CMKLR1: variants seen among roughly 807,000 people sequenced by gnomAD.
CMKLR1 encodes the protein chemerin chemokine-like receptor 1.
A neutral mutation model predicts 8.2 loss-of-function variants in CMKLR1; 6 were observed. The observed-to-expected ratio is 0.73, with a 90% CI of 0.40 to 1.44. The LOEUF (loss-of-function observed/expected upper bound fraction) is 1.44, where lower values mean the gene tolerates loss of function less well. CMKLR1 is among the 40% of genes most tolerant of loss of function. CMKLR1 has a pLI of 0.02. For missense variants in CMKLR1, 429 were observed against 478.0 expected (o/e 0.90, Z 0.96); for synonymous variants, 178 against 181.2 (o/e 0.98, Z 0.14).
In CMKLR1 at chr12:108,290,389, A is replaced by G. The variant is rs879330571; in HGVS notation, c.*1452T>C. ...TATGTAAAAGGGAAGTTATAACCAT[A>G]CCTAACTCAGGGTTGCTGTAATGAT... On this transcript the variant is annotated 3_prime_UTR_variant, in exon 4 of 4. Transcript: ENST00000550402. The G allele has an allele frequency of 4.6e-5, 7 of 152,284 alleles. No homozygotes were observed. The highest frequency in any genetic ancestry group is 8.8e-5 in the Non-Finnish European group (6 of 68,032). 9.4% of individuals were successfully genotyped at this position (152,284 alleles called of 1,614,324 possible).
chr12:108,326,320 C>T (rs570966870), intron 2 of CMKLR1, among the ~76,000 whole-genome samples: 1 of 152,334 alleles, frequency 6.6e-6, no homozygotes, highest in African/African-American at 2.4e-5. Context: ...GTCCACAGCA[C>T]CTGAATGTCC....
At chr12:108,308,418 G>C (rs1005766347) in intron 2 of CMKLR1, among the ~76,000 whole-genome samples, 3 of 152,160 alleles carry the variant, frequency 2.0e-5, no homozygotes, top group Admixed American at 1.3e-4. Context: ...TCTCTCTTCT[G>C]CTCATCCCCT....
At chr12:108,314,990 T>G (rs1473175165) in intron 2 of CMKLR1, among the ~76,000 whole-genome samples, 3 of 143,042 alleles carry the variant, frequency 2.1e-5, no homozygotes, top group Non-Finnish European at 4.5e-5. Context: ...CAGGCTGGAG[T>G]GCAATGGCGC....
chr12:108,299,272 G>A (rs1173887194), intron 2 of CMKLR1, among the ~76,000 whole-genome samples: 1 of 152,230 alleles, frequency 6.6e-6, no homozygotes, highest in Admixed American at 6.5e-5. Context: ...GCTGTGCTTT[G>A]TGGGAGAGGC....
At chr12:108,336,009 A>C (rs1892212964) in intron 1 of CMKLR1, among the ~76,000 whole-genome samples, 1 of 152,242 alleles carries the variant, frequency 6.6e-6, no homozygotes, top group Non-Finnish European at 1.5e-5. Flanking sequence ...GCTGACACGG[A>C]ACATGTGGAT....
At chr12:108,331,475 C>CA (rs1892106933) in intron 1 of CMKLR1, among the ~76,000 whole-genome samples, 1 of 152,220 alleles carries the variant, frequency 6.6e-6, no homozygotes, top group Admixed American at 6.5e-5. Context: ...CCTGAACTCC[C>CA]AATATCTAAA....
chr12:108,300,653 G>A (rs538252787), intron 2 of CMKLR1, among the ~76,000 whole-genome samples: 28 of 152,268 alleles, frequency 1.8e-4, no homozygotes, highest in South Asian at 1.7e-3. Context: ...CATGACCTGT[G>A]AGCTGTGCGA....
At position 108,289,973 on chromosome 12, in the gene CMKLR1, T is replaced by G. The variant is rs899014541; in HGVS notation, c.*1868A>C. The G allele has an allele frequency of 1.3e-5, 2 of 152,212 alleles. No individual in the cohort carries two copies. The highest frequency in any genetic ancestry group is 4.8e-5 in the African/African-American group (2 of 41,436). 9.4% of individuals were successfully genotyped at this position (152,212 alleles called of 1,614,324 possible). ...TGGAAGAGAACAGAATGTGGACACTTAGGAGCCAAAGGGCCTCAGGCCCAC... is the reference window on the plus strand; with the variant it reads ...TGGAAGAGAACAGAATGTGGACACTGAGGAGCCAAAGGGCCTCAGGCCCAC... On this transcript the variant is annotated 3_prime_UTR_variant, in exon 4 of 4. Coordinates refer to ENST00000550402, the MANE Select transcript of CMKLR1 (RefSeq NM_001142343.2).
chr12:108,310,233 G>T (rs1891518308), intron 2 of CMKLR1, among the ~76,000 whole-genome samples: 1 of 151,722 alleles, frequency 6.6e-6, no homozygotes, highest in African/African-American at 2.4e-5. Context: ...TGTGGCTAAG[G>T]AAAGAAGAGG....
chr12:108,329,942 G>A (rs1892066135), intron 2 of CMKLR1, 53 bp downstream of exon 2: 2 of 152,124 alleles, frequency 1.3e-5, no homozygotes, highest in African/African-American at 4.8e-5. Flanking sequence ...GATGAAGATG[G>A]TAGATTGTCT....
chr12:108,300,248 A>G (rs895043890), intron 2 of CMKLR1, among the ~76,000 whole-genome samples: 1 of 152,198 alleles, frequency 6.6e-6, no homozygotes, highest in African/African-American at 2.4e-5. Context: ...CAGGTGCGCC[A>G]GGGAACACGG....
chr12:108,301,706 C>T (rs1891280830), intron 2 of CMKLR1, among the ~76,000 whole-genome samples: 1 of 152,230 alleles, frequency 6.6e-6, no homozygotes, highest in African/African-American at 2.4e-5. Context: ...ATCCTTCCCC[C>T]ATTTTACAGA....
At chr12:108,297,654 C>A (rs563730708) in intron 2 of CMKLR1, among the ~76,000 whole-genome samples, 1 of 152,340 alleles carries the variant, frequency 6.6e-6, no homozygotes, top group South Asian at 2.1e-4. Flanking sequence ...TGAGGCCACA[C>A]AGCAGGGAGC....
rs763068906 is a variant in CMKLR1 at position 108,292,599 on chromosome 12, T to C, written c.364A>G (p.Asn122Asp). Reference protein sequence around the residue: ...CKISNFLLIHNMFTSVFLLTI... With the variant: ...CKISNFLLIHDMFTSVFLLTI... ...AGCAGGAAGACGCTGGTGAACATGT[T>C]GTGGATGAGAAGGAAGTTGCTGATC... is the stretch of plus-strand genomic sequence containing the variant. The change falls in exon 4 of 4, where the codon AAC becomes GAC. Residue 122 changes from asparagine (N) to aspartate (D), a missense_variant. Transcript: ENST00000550402. The C allele has an allele frequency of 6.2e-7, 1 of 1,614,086 alleles. No homozygotes were observed. Among genetic ancestry groups the C allele is most frequent in the Non-Finnish European group, 8.5e-7 (1 of 1,179,994 alleles).
At chr12:108,336,580 T>C (rs565884798) in intron 1 of CMKLR1, among the ~76,000 whole-genome samples, 30 of 152,230 alleles carry the variant, frequency 2.0e-4, no homozygotes, top group African/African-American at 7.2e-4. Context: ...CTCACAATTA[T>C]TCTAATGCAG....
chr12:108,311,886 C>A (rs932566247), intron 2 of CMKLR1, among the ~76,000 whole-genome samples: 4 of 152,338 alleles, frequency 2.6e-5, no homozygotes, highest in Admixed American at 2.6e-4. Context: ...TCCAAACCAA[C>A]CTGCTCCCTG....
chr12:108,307,974 ATT>A (rs1341893702), intron 2 of CMKLR1, among the ~76,000 whole-genome samples: 2 of 152,192 alleles, frequency 1.3e-5, no homozygotes, highest in African/African-American at 4.8e-5. Flanking sequence ...GTTGCCCATT[ATT>A]CTCATTTCAC....
chr12:108,322,296 C>T (rs183661436), intron 2 of CMKLR1, among the ~76,000 whole-genome samples: 10 of 152,262 alleles, frequency 6.6e-5, no homozygotes, highest in East Asian at 1.9e-4. Context: ...CTCAGGGCTT[C>T]GTCCCCTAGT....
chr12:108,323,117 T>A (rs944344014), intron 2 of CMKLR1, among the ~76,000 whole-genome samples: 3 of 152,334 alleles, frequency 2.0e-5, no homozygotes, highest in African/African-American at 7.2e-5. Flanking sequence ...ACTGGTTACA[T>A]TTCCCACAAA....
Sources: allele counts gnomAD v4.1 joint callset (sites outside exome capture counted in the v4.1 genomes callset), GRCh38; gene constraint gnomAD v4.1.1; transcripts MANE v1.5; gene names NCBI Gene and HGNC (gene_info 2026-07-23, HGNC 2026-07-21).